The following PTCHD4 variants were observed in gnomAD, a reference collection of about 807,000 sequenced individuals.
PTCHD4 encodes patched domain-containing protein 4.
Under a neutral mutation model 58.1 loss-of-function variants are expected in PTCHD4, and 33 were observed. The ratio of observed to expected loss-of-function variants is 0.57; its 90% CI spans 0.43 to 0.76. PTCHD4 has a LOEUF of 0.76. PTCHD4 is among the 30% of genes least tolerant of loss of function. The pLI is 0.00. For missense variants in PTCHD4, 1,058 were observed against 1,027.1 expected (o/e 1.03, Z -0.41); for synonymous variants, 478 against 409.6 (o/e 1.17, Z -2.02).
At chr6:47,903,528 T>C (rs753837246) in intron 4 of PTCHD4, among the ~76,000 whole-genome samples, 1 of 152,132 alleles carries the variant, frequency 6.6e-6, no homozygotes, top group Non-Finnish European at 1.5e-5. Flanking sequence ...TTGCCTAGGC[T>C]AGTCTCAAAC....
chr6:47,908,523 T>C (rs1050144795), intron 4 of PTCHD4, among the ~76,000 whole-genome samples: 1 of 152,144 alleles, frequency 6.6e-6, no homozygotes, highest in Non-Finnish European at 1.5e-5. Flanking sequence ...GATATAAATA[T>C]GATATTACCC....
At chr6:47,958,236 C>G (rs1766945268) in intron 4 of PTCHD4, among the ~76,000 whole-genome samples, 1 of 151,930 alleles carries the variant, frequency 6.6e-6, no homozygotes, top group Non-Finnish European at 1.5e-5. Context: ...ATTAAAGTTC[C>G]AGTGACCTGG....
chr6:48,107,627 G>A (rs1765761028), intron 1 of PTCHD4, among the ~76,000 whole-genome samples: 3 of 151,356 alleles, frequency 2.0e-5, no homozygotes, highest in African/African-American at 4.9e-5. Flanking sequence ...AAGAGCTTCT[G>A]CACAGCAAAA....
intron 4 of PTCHD4, among the ~76,000 whole-genome samples, chr6:48,001,108 A>T (rs974725674): frequency 1.3e-5 from 2 of 152,196 alleles, no homozygotes; most frequent in South Asian, 4.1e-4. Flanking sequence ...ATAAAAGAGG[A>T]TACAAAAAAA....
intron 3 of PTCHD4, among the ~76,000 whole-genome samples, chr6:48,011,432 T>C (rs1303858480): frequency 6.6e-6 from 1 of 151,498 alleles, no homozygotes; most frequent in Admixed American, 6.6e-5. Context: ...TTTTTTTTTC[T>C]TGTAAATTTG....
intron 1 of PTCHD4, among the ~76,000 whole-genome samples, chr6:48,098,874 TA>T (rs1359450448): frequency 6.6e-6 from 1 of 152,150 alleles, no homozygotes; most frequent in Non-Finnish European, 1.5e-5. Context: ...AAATTGAAAG[TA>T]AAATTAAGTA....
Position 48,069,750 on chromosome 6 carries a change from T to C in PTCHD4, c.-793A>G, listed in dbSNP as rs954807. Among the ~76,000 whole-genome samples the C allele has an allele frequency of 0.64, 97,216 of 152,022 alleles. 31,973 individuals are homozygous for C. Among genetic ancestry groups the C allele is most frequent in the African/African-American group, 0.78 (32,523 of 41,494 alleles). On this transcript the variant is annotated 5_prime_UTR_variant, in exon 2 of 5. Coordinates refer to ENST00000339488, the MANE Select transcript of PTCHD4 (RefSeq NM_001384253.1). ...CTCATAACATGTTACATTCACTTTC[T>C]GTATTCTTGAGATTAAAGGACAGAA... is the stretch of plus-strand genomic sequence containing the variant.
chr6:47,972,493 A>G (rs1277521907), intron 4 of PTCHD4, among the ~76,000 whole-genome samples: 1 of 152,186 alleles, frequency 6.6e-6, no homozygotes, highest in Non-Finnish European at 1.5e-5. Context: ...AATGTTTTGC[A>G]TAATCTTATT....
intron 1 of PTCHD4, among the ~76,000 whole-genome samples, chr6:48,091,667 G>C (rs1765368115): frequency 7.9e-6 from 1 of 127,340 alleles, no homozygotes; most frequent in Non-Finnish European, 1.6e-5. Flanking sequence ...TTCTTTTTTG[G>C]ATGGAGTCTC....
intron 4 of PTCHD4, among the ~76,000 whole-genome samples, chr6:47,935,491 G>C (rs571362200): frequency 1.3e-5 from 2 of 152,252 alleles, no homozygotes; most frequent in East Asian, 3.9e-4. Flanking sequence ...CACTAAGGCT[G>C]ACTTAATATT....
In PTCHD4 at chr6:48,068,196, G is replaced by T; in HGVS notation, c.417+34C>A. Reference sequence around the variant, plus strand: ...TCCTGATTTCTCAACACACACAGATGGGAAAAAGTATAATTATAGCCCTTG... The same window carrying T: ...TCCTGATTTCTCAACACACACAGATTGGAAAAAGTATAATTATAGCCCTTG... On this transcript the variant is annotated intron_variant, in intron 3 of 4. Transcript: ENST00000339488. This position sits in a 1 kb window ranked among gnomAD's most constrained non-coding sequence, Gnocchi z 4.2. 1 of 1,514,882 alleles carries T rather than the reference G, an allele frequency of 6.6e-7. No individual in the cohort carries two copies. Among genetic ancestry groups the T allele is most frequent in the South Asian group, 1.3e-5 (1 of 74,978 alleles). 93.8% of individuals were successfully genotyped at this position (1,514,882 alleles called of 1,614,324 possible). A position where few individuals can be genotyped will look rare whatever the true frequency, so the allele number is the denominator to read the frequency against.
Position 48,108,466 on chromosome 6 carries a change from C to T in PTCHD4, c.-970+2583G>A, listed in dbSNP as rs1023956918. On this transcript the variant is annotated intron_variant, in intron 1 of 4. Coordinates refer to ENST00000339488, the MANE Select transcript of PTCHD4 (RefSeq NM_001384253.1). ...AGGGACTGTTGTGGGGTGGGGGGAG[C>T]GGGGAGGGATAGCATTAGGAGGTAT... Among the ~76,000 whole-genome samples the T allele has an allele frequency of 4.6e-5, 7 of 151,168 alleles. No homozygotes were observed. In the East Asian group the frequency reaches 5.9e-4, roughly 13 times the overall value.
At position 47,901,409 on chromosome 6, in the gene PTCHD4, A is replaced by C. The variant is rs1200496745; in HGVS notation, c.899-21473T>G. The C allele has an allele frequency of 4.1e-6, 4 of 968,952 alleles. No individual in the cohort carries two copies. The South Asian group carries it at 1.4e-4, about 35-fold the overall frequency. The allele number at this position is 968,952 out of a possible 1,614,324, so 60.0% of individuals were successfully genotyped here. On this transcript the variant is annotated intron_variant, in intron 4 of 4. Coordinates refer to ENST00000339488, the MANE Select transcript of PTCHD4 (RefSeq NM_001384253.1). ...TTACTCTTTCCTTTAAATCTCAAAC[A>C]CGATAATTGTTCCTCCCTCTCACAT...
intron 4 of PTCHD4, among the ~76,000 whole-genome samples, chr6:47,967,498 A>G (rs12192531): frequency 0.16 from 24,680 of 152,226 alleles, 2,129 homozygotes; most frequent in South Asian, 0.28. Context: ...GAGTCAGCCC[A>G]TCCTTTGAAG....
At chr6:47,966,234 C>G (rs926594007) in intron 4 of PTCHD4, among the ~76,000 whole-genome samples, 1 of 152,130 alleles carries the variant, frequency 6.6e-6, no homozygotes, top group Admixed American at 6.5e-5. Context: ...GAGCATCACA[C>G]TAAAGTAAGT....
At chr6:48,043,490 T>C (rs910651986) in intron 3 of PTCHD4, among the ~76,000 whole-genome samples, 1 of 151,922 alleles carries the variant, frequency 6.6e-6, no homozygotes, top group Non-Finnish European at 1.5e-5. Flanking sequence ...CTCACTATTT[T>C]TTATCTTAAT....
At chr6:47,885,555 A>G (rs1486762571) in intron 4 of PTCHD4, among the ~76,000 whole-genome samples, 1 of 152,216 alleles carries the variant, frequency 6.6e-6, no homozygotes, top group Non-Finnish European at 1.5e-5. Flanking sequence ...TTGTTACCAA[A>G]CAAAACTGAT....
chr6:48,059,361 C>T (rs557638012), intron 3 of PTCHD4, among the ~76,000 whole-genome samples: 20 of 152,210 alleles, frequency 1.3e-4, no homozygotes, highest in African/African-American at 4.3e-4. Context: ...AAAAAATGGG[C>T]AGGGCGGGGT....
chr6:47,967,487 C>T (rs374769756), intron 4 of PTCHD4, among the ~76,000 whole-genome samples: 3 of 152,176 alleles, frequency 2.0e-5, no homozygotes, highest in Non-Finnish European at 2.9e-5. Flanking sequence ...GCCCTTAACA[C>T]GAGTCAGCCC....
Sources: allele counts gnomAD v4.1 joint callset (sites outside exome capture counted in the v4.1 genomes callset), GRCh38; gene constraint gnomAD v4.1.1; non-coding constraint Gnocchi (gnomAD v3.1); transcripts MANE v1.5; gene names NCBI Gene and HGNC (gene_info 2026-07-23, HGNC 2026-07-21).